The following SGCZ variants were observed in gnomAD, a reference collection of about 807,000 sequenced individuals.
SGCZ encodes zeta-sarcoglycan.
In SGCZ, 40 loss-of-function variants were observed where a neutral mutation model predicts 41.3. That is an observed-to-expected ratio of 0.97 (90% CI 0.75 to 1.26). The LOEUF (loss-of-function observed/expected upper bound fraction) is 1.26, where lower values mean the gene tolerates loss of function less well. SGCZ is among the 50% of genes most tolerant of loss of function. The pLI, the probability that SGCZ is intolerant of heterozygous loss-of-function variation, is 0.00. For missense variants in SGCZ, 552 were observed against 369.8 expected (o/e 1.49, Z -4.04); for synonymous variants, 206 against 137.5 (o/e 1.50, Z -3.49).
At chr8:14,847,188 G>GAAGAAGAAGAAGAT (rs1190465007) in intron 1 of SGCZ, among the ~76,000 whole-genome samples, 2 of 113,208 alleles carry the variant, frequency 1.8e-5, no homozygotes, top group Admixed American at 1.8e-4. Flanking sequence ...AAGAAGAAGA[G>GAAGAAGAAGAAGAT]AAAAATACCA....
intron 3 of SGCZ, among the ~76,000 whole-genome samples, chr8:14,275,306 C>T (rs188958587): frequency 6.0e-4 from 92 of 152,256 alleles, no homozygotes; most frequent in African/African-American, 2.1e-3. Flanking sequence ...CTTCCCTATC[C>T]CTTTTGATAA....
intron 1 of SGCZ, among the ~76,000 whole-genome samples, chr8:14,741,615 G>C (rs1799200772): frequency 6.6e-6 from 1 of 151,986 alleles, no homozygotes; most frequent in South Asian, 2.1e-4. Flanking sequence ...AATCATAACT[G>C]AAATGCTTTT....
chr8:14,554,801 C>G lies in SGCZ; in HGVS notation c.165G>C (p.Leu55=), dbSNP rs1163715594. ...AGTTAACTATCATGGTAACCAACAG[C>G]AGAAGGACAAAGAAGTATAAGCACC... is the stretch of plus-strand genomic sequence containing the variant. ...RKRCLYFFVL[L]LLVTMIVNLA... is the part of the protein sequence containing the mutation. Residue 55 remains leucine (L), a synonymous_variant, in exon 2 of 8, where the codon CTG becomes CTC. Transcript: ENST00000382080. 1 of 1,613,202 alleles carries G rather than the reference C, an allele frequency of 6.2e-7. No individual in the cohort carries two copies. The highest frequency in any genetic ancestry group is 1.1e-5 in the South Asian group (1 of 91,052).
At chr8:14,484,126 G>A (rs970674187) in intron 2 of SGCZ, among the ~76,000 whole-genome samples, 5 of 152,108 alleles carry the variant, frequency 3.3e-5, no homozygotes, top group Admixed American at 3.3e-4. Context: ...ATTACAGCAA[G>A]TTATACATAT....
At chr8:14,274,732 C>CA (rs201588939) in intron 3 of SGCZ, among the ~76,000 whole-genome samples, 4,860 of 151,708 alleles carry the variant, frequency 0.032, 94 homozygotes, top group African/African-American at 0.053. Context: ...ATTTTTTTCA[C>CA]AAAAAAATTA....
chr8:14,244,162 TTCTTCCTCCTCCTCTTC>T (rs1307016095), intron 3 of SGCZ, among the ~76,000 whole-genome samples: 3 of 150,742 alleles, frequency 2.0e-5, no homozygotes, highest in Non-Finnish European at 4.4e-5. Flanking sequence ...CTCCTCTTCC[TTCTTCCTCCTCCTCTTC>T]CTTCTTCCTC....
chr8:15,054,975 A>T (rs1404652178), intron 1 of SGCZ, among the ~76,000 whole-genome samples: 11 of 152,046 alleles, frequency 7.2e-5, no homozygotes, highest in East Asian at 1.9e-4. Flanking sequence ...AAAAAAAAAA[A>T]AATAAGACTC....
intron 4 of SGCZ, among the ~76,000 whole-genome samples, chr8:14,172,271 T>G (rs1315893956): frequency 6.6e-6 from 1 of 152,138 alleles, no homozygotes; most frequent in Non-Finnish European, 1.5e-5. Flanking sequence ...CAAATTCAAA[T>G]GATGAAGGCT....
intron 1 of SGCZ, among the ~76,000 whole-genome samples, chr8:15,014,866 T>C (rs1256362650): frequency 6.6e-6 from 1 of 152,102 alleles, no homozygotes; most frequent in African/African-American, 2.4e-5. Context: ...GCAGATCTAC[T>C]CTCTTTAGGC....
chr8:14,525,701 G>A (rs1364986902), intron 2 of SGCZ, among the ~76,000 whole-genome samples: 1 of 152,052 alleles, frequency 6.6e-6, no homozygotes, highest in Non-Finnish European at 1.5e-5. Context: ...CCTTTGCAAA[G>A]AAGAAGTATT....
intron 2 of SGCZ, among the ~76,000 whole-genome samples, chr8:14,340,829 G>A (rs1052816227): frequency 1.2e-4 from 18 of 152,052 alleles, no homozygotes; most frequent in Admixed American, 3.9e-4. Flanking sequence ...TAAGGGTATG[G>A]TTCAGTGGCA....
intron 1 of SGCZ, among the ~76,000 whole-genome samples, chr8:15,030,759 G>A (rs948258721): frequency 2.6e-5 from 4 of 152,104 alleles, no homozygotes; most frequent in Non-Finnish European, 5.9e-5. Flanking sequence ...AAGGACTACG[G>A]CGGAGGTAAC....
At chr8:15,195,628 C>T (rs1800698523) in intron 1 of SGCZ, among the ~76,000 whole-genome samples, 1 of 152,130 alleles carries the variant, frequency 6.6e-6, no homozygotes, top group African/African-American at 2.4e-5. Context: ...CATTAGTGTG[C>T]CACCCCAGTG....
intron 1 of SGCZ, among the ~76,000 whole-genome samples, chr8:14,727,469 C>G (rs1472637243): frequency 1.3e-5 from 2 of 151,786 alleles, no homozygotes; most frequent in Non-Finnish European, 2.9e-5. Flanking sequence ...CCAACACTTT[C>G]ACTCTTAGGT....
At chr8:14,894,898 A>C (rs992226920) in intron 1 of SGCZ, among the ~76,000 whole-genome samples, 1 of 152,178 alleles carries the variant, frequency 6.6e-6, no homozygotes, top group African/African-American at 2.4e-5. Flanking sequence ...CTACAGAATG[A>C]AGGAAAACTA....
At chr8:14,617,325 G>C (rs912102932) in intron 1 of SGCZ, among the ~76,000 whole-genome samples, 20 of 152,068 alleles carry the variant, frequency 1.3e-4, no homozygotes, top group Admixed American at 3.9e-4. Context: ...TGCAACATTA[G>C]GGTCCCTGGG....
chr8:14,112,274 T>C (rs1802395002), intron 5 of SGCZ, among the ~76,000 whole-genome samples: 1 of 117,956 alleles, frequency 8.5e-6, no homozygotes, highest in Admixed American at 9.0e-5. Flanking sequence ...TTTTGAGTTT[T>C]TTTTTTTGTG....
intron 1 of SGCZ, among the ~76,000 whole-genome samples, chr8:14,991,432 A>G (rs371409549): frequency 6.6e-6 from 1 of 152,156 alleles, no homozygotes; most frequent in Non-Finnish European, 1.5e-5. Flanking sequence ...TTGGAGTTTG[A>G]GATGCCCAGG....
intron 4 of SGCZ, among the ~76,000 whole-genome samples, chr8:14,193,595 T>G (rs1360368914): frequency 6.6e-6 from 1 of 152,092 alleles, no homozygotes; most frequent in Admixed American, 6.5e-5. Context: ...ATTTTGCACA[T>G]TAAAATTGTA....
Sources: allele counts gnomAD v4.1 joint callset (sites outside exome capture counted in the v4.1 genomes callset), GRCh38; gene constraint gnomAD v4.1.1; transcripts MANE v1.5; gene names NCBI Gene and HGNC (gene_info 2026-07-23, HGNC 2026-07-21).